RORA: variants seen among roughly 807,000 people sequenced by gnomAD.
RORA encodes nuclear receptor ROR-alpha.
Under a neutral mutation model 69.5 loss-of-function variants are expected in RORA, and 7 were observed. That is an observed-to-expected ratio of 0.10 (90% CI 0.06 to 0.19). The LOEUF is 0.19. RORA is among the 10% of genes least tolerant of loss of function. The probability of loss-of-function intolerance (pLI) is 1.00; values close to 1 mark genes in which losing one functional copy is unlikely to be tolerated. For synonymous variants in RORA, 261 were observed against 240.8 expected, an observed-to-expected ratio of 1.08 and a Z score of -0.78; for missense variants, 457 against 663.0, an observed-to-expected ratio of 0.69 and a Z score of 3.41.
intron 1 of RORA, among the ~76,000 whole-genome samples, chr15:60,714,146 C>T (rs984647682): frequency 2.6e-5 from 4 of 151,902 alleles, no homozygotes; most frequent in East Asian, 1.9e-4. Flanking sequence ...CTCCGCCTCC[C>T]GGATTCAAGC....
intron 1 of RORA, among the ~76,000 whole-genome samples, chr15:61,117,614 A>G (rs1349979353): frequency 6.6e-6 from 1 of 152,208 alleles, no homozygotes; most frequent in Non-Finnish European, 1.5e-5. Context: ...TTTGACTGCT[A>G]AATGTGTTTG....
chr15:60,622,965 C>A (rs886675971), intron 2 of RORA, among the ~76,000 whole-genome samples: 13 of 152,216 alleles, frequency 8.5e-5, no homozygotes, highest in African/African-American at 3.1e-4. Context: ...ATCCACCCGC[C>A]TCAGTCTCCC....
At chr15:60,764,176 G>C (rs2071943699) in intron 1 of RORA, 1 of 152,238 alleles carries the variant, frequency 6.6e-6, no homozygotes, top group Non-Finnish European at 1.5e-5. Flanking sequence ...TGATGGCGGA[G>C]TTCAGTGAGA....
At chr15:60,947,454 G>A (rs925305340) in intron 1 of RORA, among the ~76,000 whole-genome samples, 2 of 151,336 alleles carry the variant, frequency 1.3e-5, no homozygotes, top group East Asian at 2.0e-4. Flanking sequence ...GATTAAGGGC[G>A]GTGCAAGATG....
intron 1 of RORA, among the ~76,000 whole-genome samples, chr15:61,203,418 C>G (rs189211180): frequency 1.3e-5 from 2 of 152,192 alleles, no homozygotes; most frequent in Admixed American, 6.5e-5. Context: ...CATGTAAAAC[C>G]ATCATCACTT....
rs1489561234 is a variant in RORA at position 61,131,128 on chromosome 15, G to A, written c.166+97925C>T. 2.6e-5 allele frequency among the ~76,000 whole-genome samples: 4 copies of A among 152,182 alleles called. No homozygotes were observed. Among genetic ancestry groups the A allele is most frequent in the South Asian group, 4.1e-4 (2 of 4,828 alleles). On this transcript the variant is annotated intron_variant, in intron 1 of 10. Transcript: ENST00000335670. The surrounding 1 kb of genome is among the most constrained non-coding windows in gnomAD (Gnocchi z 4.2). ...TCACTCAAGAGTGGGAAGGATTAGC[G>A]TGCTATGGTTGGCCAACCAGGTCAC...
chr15:60,844,289 T>TCAA (rs936621252), intron 1 of RORA, among the ~76,000 whole-genome samples: 1 of 152,186 alleles, frequency 6.6e-6, no homozygotes, highest in Admixed American at 6.5e-5. Context: ...GGTTGTCAGC[T>TCAA]CAGTTACTGG....
chr15:61,056,270 T>C lies in RORA; in HGVS notation c.166+172783A>G, dbSNP rs188959573. Reference sequence around the variant, plus strand: ...TCTCATTTAGCACTACCCTAAATCCTGTGAGGTGGTTATTGGCATCCTTCC... The same window carrying C: ...TCTCATTTAGCACTACCCTAAATCCCGTGAGGTGGTTATTGGCATCCTTCC... On this transcript the variant is annotated intron_variant, in intron 1 of 10. Transcript: ENST00000335670. Among the ~76,000 whole-genome samples the C allele has an allele frequency of 3.7e-4, 56 of 152,326 alleles. No individual in the cohort carries two copies. In the Middle Eastern group the frequency reaches 0.014, roughly 37 times the overall value.
At chr15:61,035,560 C>T (rs935218122) in intron 1 of RORA, among the ~76,000 whole-genome samples, 2 of 152,136 alleles carry the variant, frequency 1.3e-5, no homozygotes, top group Non-Finnish European at 2.9e-5. Context: ...AGGTTGTGGG[C>T]CCCTGGGCAA....
intron 1 of RORA, among the ~76,000 whole-genome samples, chr15:61,227,271 A>C (rs2080154912): frequency 6.6e-6 from 1 of 150,528 alleles, no homozygotes; most frequent in African/African-American, 2.4e-5. Flanking sequence ...TTTCTGATTA[A>C]CCCTGTTACA....
chr15:61,066,946 ACTGTCATTTTTGGCAG>A (rs1345124239), intron 1 of RORA, among the ~76,000 whole-genome samples: 1 of 145,948 alleles, frequency 6.9e-6, no homozygotes, highest in Non-Finnish European at 1.5e-5. Context: ...TCCACTGAGC[ACTGTCATTTTTGGCAG>A]CTGCATTAAA....
chr15:61,184,751 A>C (rs1009568877), intron 1 of RORA, among the ~76,000 whole-genome samples: 4 of 152,104 alleles, frequency 2.6e-5, no homozygotes, highest in Non-Finnish European at 5.9e-5. Context: ...TTGGAAAGCC[A>C]AGGTGGGAGA....
chr15:61,203,349 C>T (rs1320756500), intron 1 of RORA, among the ~76,000 whole-genome samples: 1 of 152,166 alleles, frequency 6.6e-6, no homozygotes, highest in Non-Finnish European at 1.5e-5. Context: ...GAGGGGCTTT[C>T]AGGGGAGCTA....
Position 61,049,438 on chromosome 15 carries a change from G to A in RORA, c.166+179615C>T, listed in dbSNP as rs181736042. Among the ~76,000 whole-genome samples, 6 of 152,152 alleles carry A rather than the reference G, an allele frequency of 3.9e-5. No homozygotes were observed. In the East Asian group the frequency reaches 5.8e-4, roughly 15 times the overall value. On this transcript the variant is annotated intron_variant, in intron 1 of 10. Transcript: ENST00000335670. ...ATCATACAAGTCCATGTCCTCAAACGAAAATAATAATACTATAAATGCAAA... is the reference window on the plus strand; with the variant it reads ...ATCATACAAGTCCATGTCCTCAAACAAAAATAATAATACTATAAATGCAAA...
intron 2 of RORA, among the ~76,000 whole-genome samples, chr15:60,672,017 G>A (rs1024651985): frequency 1.3e-5 from 2 of 152,142 alleles, no homozygotes; most frequent in Non-Finnish European, 2.9e-5. Flanking sequence ...AGACCAAGAG[G>A]TTGAGGCTGC....
intron 1 of RORA, among the ~76,000 whole-genome samples, chr15:61,119,406 T>TATAC (rs1491425528): frequency 1.0e-5 from 1 of 99,666 alleles, no homozygotes; most frequent in Non-Finnish European, 2.0e-5. Context: ...TATATATATA[T>TATAC]ACACACACTA....
chr15:61,186,993 C>T (rs769283525), intron 1 of RORA, among the ~76,000 whole-genome samples: 3 of 152,220 alleles, frequency 2.0e-5, no homozygotes, highest in Admixed American at 1.3e-4. Flanking sequence ...GGAGAGCACA[C>T]GGACTACTTA....
At chr15:61,099,991 G>T (rs1329338475) in intron 1 of RORA, among the ~76,000 whole-genome samples, 1 of 151,804 alleles carries the variant, frequency 6.6e-6, no homozygotes, top group South Asian at 2.1e-4. Context: ...AAGGAAACAA[G>T]TCTGATACTA....
intron 2 of RORA, among the ~76,000 whole-genome samples, chr15:60,551,199 G>C (rs547287747): frequency 1.2e-4 from 18 of 152,180 alleles, no homozygotes; most frequent in Non-Finnish European, 2.5e-4. Flanking sequence ...TTACTGGTGA[G>C]AGTGAGTAAC....
Sources: gnomAD v4.1 joint callset for allele counts (sites outside exome capture counted in the v4.1 genomes callset) on GRCh38, gnomAD v4.1.1 for gene constraint, Gnocchi (gnomAD v3.1) non-coding constraint, MANE v1.5 for transcripts, NCBI Gene and HGNC (gene_info 2026-07-23, HGNC 2026-07-21) for gene names.